HHAT: variants seen among roughly 807,000 people sequenced by gnomAD.
The protein encoded by HHAT is protein-cysteine N-palmitoyltransferase HHAT.
A neutral mutation model predicts 70.8 loss-of-function variants in HHAT; 47 were observed. That is an observed-to-expected ratio of 0.66 (90% CI 0.53 to 0.85). The LOEUF (loss-of-function observed/expected upper bound fraction) is 0.85, where lower values mean the gene tolerates loss of function less well. HHAT is among the 40% of genes least tolerant of loss of function. The pLI, the probability that HHAT is intolerant of heterozygous loss-of-function variation, is 0.00. For missense variants in HHAT, 609 were observed against 604.8 expected (o/e 1.01, Z -0.07); for synonymous variants, 228 against 247.6 (o/e 0.92, Z 0.74).
At chr1:210,399,458 T>C (rs960303979) in intron 4 of HHAT, among the ~76,000 whole-genome samples, 1 of 152,180 alleles carries the variant, frequency 6.6e-6, no homozygotes, top group African/African-American at 2.4e-5. Flanking sequence ...TTTGCCATGT[T>C]GGTCAGGCTG....
At chr1:210,392,247 G>C (rs1307071300) in intron 4 of HHAT, among the ~76,000 whole-genome samples, 1 of 152,088 alleles carries the variant, frequency 6.6e-6, no homozygotes, top group Non-Finnish European at 1.5e-5. Context: ...TTGCCCTGGG[G>C]ACACTGTGTT....
chr1:210,625,315 T>C (rs1163850592), intron 11 of HHAT, among the ~76,000 whole-genome samples: 1 of 152,324 alleles, frequency 6.6e-6, no homozygotes, highest in East Asian at 1.9e-4. Flanking sequence ...GATAAGAACA[T>C]TGTGACTTGG....
chr1:210,630,077 A>G (rs1670579731), intron 11 of HHAT, among the ~76,000 whole-genome samples: 1 of 152,178 alleles, frequency 6.6e-6, no homozygotes, highest in East Asian at 1.9e-4. Flanking sequence ...TCCTGACCTC[A>G]TGATCTGCCC....
chr1:210,503,126 A>G (rs886215770), intron 8 of HHAT, among the ~76,000 whole-genome samples: 1 of 152,016 alleles, frequency 6.6e-6, no homozygotes, highest in African/African-American at 2.4e-5. Flanking sequence ...CACCCAGCTA[A>G]TTTTTGTATT....
At chr1:210,603,910 G>A (rs942163195) in intron 10 of HHAT, among the ~76,000 whole-genome samples, 1 of 152,104 alleles carries the variant, frequency 6.6e-6, no homozygotes, top group Non-Finnish European at 1.5e-5. Context: ...AATTTAAGTT[G>A]GATCTTGCTT....
At chr1:210,471,916 CT>C (rs1336833538) in intron 8 of HHAT, among the ~76,000 whole-genome samples, 1 of 152,138 alleles carries the variant, frequency 6.6e-6, no homozygotes, top group Non-Finnish European at 1.5e-5. Context: ...TATGACAGAT[CT>C]CTTGAATTTA....
intron 8 of HHAT, among the ~76,000 whole-genome samples, chr1:210,498,073 A>G (rs1400895112): frequency 2.6e-5 from 4 of 152,050 alleles, no homozygotes; most frequent in Non-Finnish European, 4.4e-5. Flanking sequence ...TTATTTATGT[A>G]TCAGTTGACC....
intron 9 of HHAT, among the ~76,000 whole-genome samples, chr1:210,560,567 T>G (rs77050058): frequency 0.062 from 9,348 of 151,442 alleles, 922 homozygotes; most frequent in African/African-American, 0.21. Flanking sequence ...TGTGGTCCCA[T>G]TACTTTGGGA....
At chr1:210,665,508 A>G (rs1433532505) in intron 11 of HHAT, among the ~76,000 whole-genome samples, 2 of 152,238 alleles carry the variant, frequency 1.3e-5, no homozygotes, top group African/African-American at 4.8e-5. Context: ...TTCAGCCCTC[A>G]GAACTGGGAA....
intron 9 of HHAT, among the ~76,000 whole-genome samples, chr1:210,517,031 T>C (rs2095068180): frequency 1.3e-5 from 2 of 152,166 alleles, no homozygotes; most frequent in Non-Finnish European, 2.9e-5. Context: ...CTGCATCTTA[T>C]AGAAATCATA....
intron 8 of HHAT, among the ~76,000 whole-genome samples, chr1:210,506,528 CAGG>C (rs1244304979): frequency 6.6e-6 from 1 of 152,186 alleles, no homozygotes; most frequent in Non-Finnish European, 1.5e-5. Flanking sequence ...ATAATATGTA[CAGG>C]ATCCGTGTTC....
chr1:210,355,917 T>C (rs1432364408), intron 2 of HHAT, among the ~76,000 whole-genome samples: 2 of 151,834 alleles, frequency 1.3e-5, no homozygotes, highest in Admixed American at 6.6e-5. Flanking sequence ...ATTTTTCTAT[T>C]TCATTATTAT....
intron 9 of HHAT, among the ~76,000 whole-genome samples, chr1:210,558,561 G>A (rs12566628): frequency 0.54 from 81,404 of 151,980 alleles, 22,333 homozygotes; most frequent in East Asian, 0.74. Flanking sequence ...AAGAATAAAT[G>A]TGCTTTCCAC....
intron 7 of HHAT, among the ~76,000 whole-genome samples, chr1:210,459,313 A>T (rs60819656): frequency 0.12 from 18,008 of 152,124 alleles, 1,315 homozygotes; most frequent in African/African-American, 0.21. Context: ...AAGTACTGTG[A>T]TACAGTTCGT....
intron 9 of HHAT, among the ~76,000 whole-genome samples, chr1:210,577,096 G>GT (rs1553278415): frequency 6.6e-6 from 1 of 150,722 alleles, no homozygotes; most frequent in African/African-American, 2.4e-5. Flanking sequence ...AGTCTTTAGG[G>GT]TTTTTTACGT....
At chr1:210,545,436 CT>C (rs71571956) in intron 9 of HHAT, among the ~76,000 whole-genome samples, 330 of 127,150 alleles carry the variant, frequency 2.6e-3, no homozygotes, top group African/African-American at 5.1e-3. Context: ...CTTTTTTTTC[CT>C]TTTTTTTTTT....
At chr1:210,446,287 TTTAG>T (rs2093633073) in intron 7 of HHAT, among the ~76,000 whole-genome samples, 1 of 152,194 alleles carries the variant, frequency 6.6e-6, no homozygotes, top group Non-Finnish European at 1.5e-5. Context: ...TATATGAGTT[TTTAG>T]ATAGCAGAAA....
chr1:210,490,187 A>C (rs1159043983), intron 8 of HHAT, among the ~76,000 whole-genome samples: 1 of 152,242 alleles, frequency 6.6e-6, no homozygotes, highest in Admixed American at 6.5e-5. Context: ...CTCCAGGCTC[A>C]TAGGCTGCCA....
chr1:210,476,881 G>A (rs573216529), intron 8 of HHAT, among the ~76,000 whole-genome samples: 5 of 152,332 alleles, frequency 3.3e-5, no homozygotes, highest in Admixed American at 2.6e-4. Flanking sequence ...CCTATGAACA[G>A]TGTATGCATA....
Sources: gnomAD v4.1 joint callset for allele counts (sites outside exome capture counted in the v4.1 genomes callset) on GRCh38, gnomAD v4.1.1 for gene constraint, MANE v1.5 for transcripts, NCBI Gene and HGNC (gene_info 2026-07-23, HGNC 2026-07-21) for gene names.